Variants in ZNF268 observed in about 807,000 individuals in gnomAD.
ZNF268 encodes the protein zinc finger protein 268.
ZNF268 carries 20 observed loss-of-function variants against 29.3 expected under a neutral mutation model. The observed-to-expected ratio is 0.68, with a 90% CI of 0.48 to 0.99. The LOEUF is 0.99. ZNF268 is among the 50% of genes least tolerant of loss of function. The pLI is 0.00. For synonymous variants in ZNF268, 429 were observed against 376.9 expected (o/e 1.14, Z -1.60); for missense variants, 1,240 against 1,121.6 (o/e 1.11, Z -1.51).
Position 133,203,307 on chromosome 12 carries a change from TCA to T in ZNF268, c.1624_1625del (p.Gln542AlafsTer15). 1 of 1,541,946 alleles carries T rather than the reference TCA, an allele frequency of 6.5e-7. No individual in the cohort carries two copies. The highest frequency in any genetic ancestry group is 8.7e-7 in the Non-Finnish European group (1 of 1,148,140). On this transcript the variant is annotated frameshift_variant, in exon 6 of 6. Coordinates refer to ENST00000536435, the MANE Select transcript of ZNF268 (RefSeq NM_003415.3). LOFTEE classifies it low-confidence loss of function (END_TRUNC). ...NNCGKAFSFK[S>X]QLIIHQRIHT... The stretch of plus-strand genomic sequence containing the variant: ...TTGTGGGAAAGCCTTCAGTTTTAAA[TCA>T]CAGCTCATTATACATCAGAGGATTC...
chr12:133,183,962 CATT>C (rs1043061520), intron 2 of ZNF268, among the ~76,000 whole-genome samples: 2 of 152,188 alleles, frequency 1.3e-5, no homozygotes, highest in African/African-American at 2.4e-5. Flanking sequence ...AATATTAGAT[CATT>C]GTCTTAGTCT....
Position 133,202,168 on chromosome 12 carries a change from T to G in ZNF268, c.482T>G (p.Leu161Arg). ...CPNTVWKIDD[L>R]MDWHQENKDK... ...GACACAGTCTGGAAAATTGATGATC[T>G]TATGGATTGGCATCAGGAAAATAAA... Residue 161 changes from leucine to arginine, a missense_variant, in exon 6 of 6, where the codon CTT becomes CGT. Leu to Arg is a moderately radical substitution (Grantham distance 102). Coordinates refer to ENST00000536435, the MANE Select transcript of ZNF268 (RefSeq NM_003415.3). The G allele has an allele frequency of 6.3e-7, 1 of 1,594,300 alleles. No individual in the cohort carries two copies. Among genetic ancestry groups the G allele is most frequent in the Non-Finnish European group, 8.5e-7 (1 of 1,170,886 alleles).
rs762389906 is a variant in ZNF268, at chr12:133,206,687, G to A, written c.*2157G>A. The A allele has an allele frequency of 9.2e-5, 14 of 152,024 alleles. No individual in the cohort carries two copies. Among genetic ancestry groups the A allele is most frequent in the African/African-American group, 1.2e-4 (5 of 41,544 alleles). 9.4% of individuals were successfully genotyped at this position (152,024 alleles called of 1,614,324 possible). On this transcript the variant is annotated 3_prime_UTR_variant, in exon 6 of 6. Transcript: ENST00000536435. ...CCAAAGAAATTTTCATCCTTGAAGCGGAGGAATTTAATGATACCTGAATGC... is the reference window on the plus strand; with the variant it reads ...CCAAAGAAATTTTCATCCTTGAAGCAGAGGAATTTAATGATACCTGAATGC...
Position 133,211,110 on chromosome 12 carries a change from G to GA in ZNF268, c.*6581dup. On this transcript the variant is annotated 3_prime_UTR_variant, in exon 6 of 6. Transcript: ENST00000536435. ...AGATGGCCATAGACAAAAGTCAAGT[G>GA]ATTTCCTATATATTTGAAATAATGT... The GA allele has an allele frequency of 2.3e-6, 1 of 432,850 alleles. No individual in the cohort carries two copies. Among genetic ancestry groups the GA allele is most frequent in the South Asian group, 1.6e-5 (1 of 62,806 alleles). 26.8% of individuals were successfully genotyped at this position (432,850 alleles called of 1,614,324 possible).
rs1467140028 is a variant in ZNF268, at chr12:133,213,955, C to T, written c.*9425C>T. The T allele has an allele frequency of 6.6e-6, 1 of 151,368 alleles. No individual in the cohort carries two copies. The highest frequency in any genetic ancestry group is 1.5e-5 in the Non-Finnish European group (1 of 67,978). 9.4% of individuals were successfully genotyped at this position (151,368 alleles called of 1,614,324 possible). A position where few individuals can be genotyped will look rare whatever the true frequency, so the allele number is the denominator to read the frequency against. On this transcript the variant is annotated 3_prime_UTR_variant, in exon 6 of 6. Transcript: ENST00000536435. ...AGTGAGCCCAGATCTCACCACTGCA[C>T]TCCAGCCTGGGCGACAGAGCGAGAC...
chr12:133,210,827 T>C lies in ZNF268; in HGVS notation c.*6297T>C, dbSNP rs1322808543. On this transcript the variant is annotated 3_prime_UTR_variant, in exon 6 of 6. Coordinates refer to ENST00000536435, the MANE Select transcript of ZNF268 (RefSeq NM_003415.3). Reference sequence around the variant, plus strand: ...GTCCTCTGTGGATTCAACCCAGAGGTCTGTGAGCAGAATGCAGGTACTGCA... The same window carrying C: ...GTCCTCTGTGGATTCAACCCAGAGGCCTGTGAGCAGAATGCAGGTACTGCA... 2 of 455,890 alleles carry C rather than the reference T, an allele frequency of 4.4e-6. No homozygotes were observed. Among genetic ancestry groups the C allele is most frequent in the Admixed American group, 2.4e-5 (1 of 42,548 alleles). The allele number at this position is 455,890 out of a possible 1,614,324, so 28.2% of individuals were successfully genotyped here. A position where few individuals can be genotyped will look rare whatever the true frequency, so the allele number is the denominator to read the frequency against.
intron 1 of ZNF268, 94 bp from the exon 2 acceptor site, chr12:133,181,852 G>T: frequency 1.3e-6 from 1 of 777,342 alleles, no homozygotes. Flanking sequence ...CCTCAGCTCC[G>T]AGAATGGCAG....
At position 133,181,628 on chromosome 12, in the gene ZNF268, G is replaced by A. The variant is rs1956178120; in HGVS notation, c.-111G>A. 2 of 212,026 alleles carry A rather than the reference G, an allele frequency of 9.4e-6. No homozygotes were observed. The highest frequency in any genetic ancestry group is 1.9e-5 in the Non-Finnish European group (2 of 106,416). 13.1% of individuals were successfully genotyped at this position (212,026 alleles called of 1,614,324 possible). On this transcript the variant is annotated 5_prime_UTR_variant, in exon 1 of 6. It adds an upstream start codon to the 5' untranslated region. Coordinates refer to ENST00000536435, the MANE Select transcript of ZNF268 (RefSeq NM_003415.3). ...AACCCTTCTGGCTGCAGATCTGGAG[G>A]TGGAGGCAGTACCCTGGACTCTATT...
At chr12:133,200,877 G>A (rs1343783334) in intron 5 of ZNF268, among the ~76,000 whole-genome samples, 2 of 151,940 alleles carry the variant, frequency 1.3e-5, no homozygotes, top group Non-Finnish European at 2.9e-5. Context: ...AGTATAGAAA[G>A]GTAATTTACT....
intron 5 of ZNF268, among the ~76,000 whole-genome samples, chr12:133,196,319 TAAAAAAAA>T (rs58218652): frequency 2.0e-5 from 2 of 100,996 alleles, no homozygotes; most frequent in Non-Finnish European, 4.0e-5. Flanking sequence ...AGACTCCATC[TAAAAAAAA>T]AAAAAAAAAA....
At chr12:133,195,633 G>A (rs548673514) in intron 5 of ZNF268, among the ~76,000 whole-genome samples, 1 of 152,240 alleles carries the variant, frequency 6.6e-6, no homozygotes, top group Admixed American at 6.5e-5. Context: ...GTTGAGTCTG[G>A]GAGGTTGAAG....
intron 2 of ZNF268, among the ~76,000 whole-genome samples, chr12:133,183,597 C>G (rs1223061648): frequency 6.6e-6 from 1 of 151,888 alleles, no homozygotes; most frequent in Non-Finnish European, 1.5e-5. Context: ...CCAGGGATGA[C>G]AACTGGAGTT....
At chr12:133,188,115 CTTTTT>C in intron 3 of ZNF268, 43 bp downstream of exon 3, 1 of 1,328,162 alleles carries the variant, frequency 7.5e-7, no homozygotes, top group Non-Finnish European at 1.0e-6. Context: ...TCTTTATTAC[CTTTTT>C]TTTTTTTGGT....
chr12:133,196,413 A>G (rs1956600886), intron 5 of ZNF268, among the ~76,000 whole-genome samples: 1 of 151,954 alleles, frequency 6.6e-6, no homozygotes, highest in Non-Finnish European at 1.5e-5. Context: ...TGAGGTGTCA[A>G]GTATAATCCT....
intron 2 of ZNF268, among the ~76,000 whole-genome samples, chr12:133,183,268 T>C (rs994097021): frequency 5.3e-5 from 8 of 152,002 alleles, no homozygotes; most frequent in Admixed American, 5.2e-4. Context: ...CACAACGGAT[T>C]TGAGGGTAGA....
intron 2 of ZNF268, among the ~76,000 whole-genome samples, chr12:133,185,608 G>C (rs1318753721): frequency 1.3e-5 from 2 of 151,988 alleles, no homozygotes; most frequent in Non-Finnish European, 2.9e-5. Context: ...GATCAGGCTG[G>C]GAAGCCATGG....
intron 2 of ZNF268, among the ~76,000 whole-genome samples, chr12:133,184,404 T>C (rs73163694): frequency 2.0e-5 from 3 of 152,148 alleles, no homozygotes; most frequent in Non-Finnish European, 4.4e-5. Context: ...CGCACCCGGC[T>C]CTGCTCTCTG....
chr12:133,186,255 G>A (rs1368105579), intron 2 of ZNF268, among the ~76,000 whole-genome samples: 1 of 152,140 alleles, frequency 6.6e-6, no homozygotes, highest in Non-Finnish European at 1.5e-5. Flanking sequence ...GTAGGTTGAG[G>A]ATTTCTTGAG....
At chr12:133,187,220 G>C (rs1476976648) in intron 2 of ZNF268, among the ~76,000 whole-genome samples, 1 of 151,362 alleles carries the variant, frequency 6.6e-6, no homozygotes, top group African/African-American at 2.4e-5. Flanking sequence ...CCGCCTTCTA[G>C]GTCGTTGGCG....
Sources: allele counts gnomAD v4.1 joint callset (sites outside exome capture counted in the v4.1 genomes callset), GRCh38; gene constraint gnomAD v4.1.1; transcripts MANE v1.5; gene names NCBI Gene and HGNC (gene_info 2026-07-23, HGNC 2026-07-21).